The following DLGAP2 variants were observed in gnomAD, a reference collection of about 807,000 sequenced individuals.
DLGAP2 encodes the protein disks large-associated protein 2.
DLGAP2 carries 26 observed loss-of-function variants against 100.3 expected under a neutral mutation model. The observed-to-expected ratio is 0.26, with a 90% CI of 0.19 to 0.36. DLGAP2 has a LOEUF of 0.36. Ranked by LOEUF, DLGAP2 falls within the 10% of genes least tolerant of loss-of-function variation. The pLI is 1.00. For missense variants in DLGAP2, 1,858 were observed against 1,453.2 expected (o/e 1.28, Z -4.53); for synonymous variants, 886 against 630.1 (o/e 1.41, Z -6.08).
intron 12 of DLGAP2, among the ~76,000 whole-genome samples, chr8:1,679,765 T>A (rs1711747572): frequency 6.6e-6 from 1 of 152,172 alleles, no homozygotes; most frequent in Non-Finnish European, 1.5e-5. Context: ...GTGGATGGCC[T>A]GAGGTCAGGA....
chr8:739,885 G>T (rs895573812), intron 1 of DLGAP2: 2 of 152,248 alleles, frequency 1.3e-5, no homozygotes, highest in Non-Finnish European at 2.9e-5. Context: ...GGAGGCCGTG[G>T]AGGGACCGAG....
chr8:1,417,693 G>GGCCACGGGGA (rs1563134269), intron 3 of DLGAP2, among the ~76,000 whole-genome samples: 2,017 of 92,912 alleles, frequency 0.022, 210 homozygotes, highest in South Asian at 0.053. Context: ...GGGCACAGGG[G>GGCCACGGGGA]GCCCCACTCC....
At chr8:1,371,080 T>C (rs1429493170) in intron 3 of DLGAP2, among the ~76,000 whole-genome samples, 1 of 152,254 alleles carries the variant, frequency 6.6e-6, no homozygotes, top group African/African-American at 2.4e-5. Flanking sequence ...GCTGAGGCAC[T>C]GTCATTGCTT....
rs1028191535 is a variant in DLGAP2, at chr8:1,490,395, T to C, written c.107-10971T>C. Among the ~76,000 whole-genome samples the C allele has an allele frequency of 6.6e-5, 10 of 152,262 alleles. No individual in the cohort carries two copies. In the South Asian group the frequency reaches 8.3e-4, roughly 13 times the overall value. ...CATCAGGTGCAGAAAATTCAGACAA[T>C]ACGTCAGCTAAAGAAGTTAAGAGCG... is the stretch of plus-strand genomic sequence containing the variant. On this transcript the variant is annotated intron_variant, in intron 3 of 14. Transcript: ENST00000637795.
intron 2 of DLGAP2, among the ~76,000 whole-genome samples, chr8:1,077,020 G>A (rs1193781395): frequency 6.7e-6 from 1 of 149,606 alleles, no homozygotes; most frequent in African/African-American, 2.5e-5. Context: ...GGAGGAGTCT[G>A]TCCCGGGCCC....
intron 2 of DLGAP2, among the ~76,000 whole-genome samples, chr8:1,029,996 C>T (rs972027476): frequency 4.6e-5 from 7 of 152,148 alleles, no homozygotes; most frequent in South Asian, 2.1e-4. Context: ...CTGGGAGGCC[C>T]GGCCCTGCAC....
chr8:866,073 G>A (rs73673026), intron 1 of DLGAP2, among the ~76,000 whole-genome samples: 2,190 of 152,094 alleles, frequency 0.014, 45 homozygotes, highest in African/African-American at 0.049. Context: ...ATGGTGTTTC[G>A]GAGCCATGGT....
intron 14 of DLGAP2, 133 bp from the exon 15 acceptor site, chr8:1,701,055 G>T: frequency 1.3e-6 from 1 of 769,982 alleles, no homozygotes; most frequent in Non-Finnish European, 2.1e-6. Context: ...GCAGACGGGG[G>T]ACGGGAGTGA....
At chr8:885,634 C>T (rs890545131) in intron 1 of DLGAP2, among the ~76,000 whole-genome samples, 2 of 152,286 alleles carry the variant, frequency 1.3e-5, no homozygotes, top group South Asian at 4.1e-4. Context: ...TGCCTGATTG[C>T]CCTGGACAGA....
In DLGAP2 at chr8:1,422,931, A is replaced by G. The variant is rs533061761; in HGVS notation, c.107-78435A>G. Among the ~76,000 whole-genome samples the G allele has an allele frequency of 9.5e-4, 144 of 152,068 alleles. 1 individual carries two copies. The highest frequency in any genetic ancestry group is 3.3e-3 in the African/African-American group (138 of 41,494). ...TCCTTCCTCACTTCACCCTAGGCCA[A>G]CTCTGTCCAGGGGGCCCCTTAGCCT... On this transcript the variant is annotated intron_variant, in intron 3 of 14. Coordinates refer to ENST00000637795, the MANE Select transcript of DLGAP2 (RefSeq NM_001346810.2).
chr8:956,660 A>G (rs1168654330), intron 2 of DLGAP2, among the ~76,000 whole-genome samples: 3 of 152,160 alleles, frequency 2.0e-5, no homozygotes, highest in Admixed American at 2.0e-4. Flanking sequence ...CCATTTACAG[A>G]TCTAATACAT....
intron 3 of DLGAP2, among the ~76,000 whole-genome samples, chr8:1,499,604 A>C (rs1799648643): frequency 6.6e-6 from 1 of 152,242 alleles, no homozygotes; most frequent in South Asian, 2.1e-4. Context: ...AACGCAGCTT[A>C]AACTATGCAA....
intron 1 of DLGAP2, among the ~76,000 whole-genome samples, chr8:744,531 G>A (rs1430319887): frequency 6.6e-6 from 1 of 151,046 alleles, no homozygotes; most frequent in Non-Finnish European, 1.5e-5. Context: ...GCTCCCCACG[G>A]TCACTCCCTG....
At chr8:1,557,339 T>G (rs1801999795) in intron 5 of DLGAP2, among the ~76,000 whole-genome samples, 1 of 152,122 alleles carries the variant, frequency 6.6e-6, no homozygotes, top group Non-Finnish European at 1.5e-5. Flanking sequence ...TGTGCCTGCC[T>G]GACCTCCCTC....
At chr8:1,237,206 T>A (rs1408206807) in intron 2 of DLGAP2, among the ~76,000 whole-genome samples, 1 of 126,722 alleles carries the variant, frequency 7.9e-6, no homozygotes, top group East Asian at 2.4e-4. Context: ...TCTCACGTGG[T>A]GCCGTGTCTA....
At chr8:1,244,062 G>A (rs556659264) in intron 2 of DLGAP2, among the ~76,000 whole-genome samples, 13 of 152,050 alleles carry the variant, frequency 8.5e-5, no homozygotes, top group African/African-American at 2.4e-4. Context: ...GCACTCCACC[G>A]TAGGGATGGT....
chr8:973,326 G>A (rs1231376802), intron 2 of DLGAP2, among the ~76,000 whole-genome samples: 6 of 151,392 alleles, frequency 4.0e-5, no homozygotes, highest in South Asian at 4.2e-4. Context: ...CAGGGCGGCT[G>A]CCGGGCGGAG....
In DLGAP2 at chr8:1,684,913, G is replaced by A. The variant is rs542924784; in HGVS notation, c.2704+6284G>A. Among the ~76,000 whole-genome samples the A allele has an allele frequency of 4.5e-4, 68 of 152,164 alleles. 1 individual carries two copies. The highest frequency in any genetic ancestry group is 1.4e-3 in the African/African-American group (60 of 41,486). On this transcript the variant is annotated intron_variant, in intron 12 of 14. Transcript: ENST00000637795. ...CACACAGGATCTTTCAAACGGTATC[G>A]GAAACTTCCTTGCCCCAAATGACTC...
At chr8:1,700,853 G>A (rs531924153) in intron 14 of DLGAP2, among the ~76,000 whole-genome samples, 12 of 152,226 alleles carry the variant, frequency 7.9e-5, no homozygotes, top group Non-Finnish European at 7.3e-5. Context: ...TTTGGGAAGC[G>A]CAGGAATCGG....
Sources: allele counts gnomAD v4.1 joint callset (sites outside exome capture counted in the v4.1 genomes callset), GRCh38; gene constraint gnomAD v4.1.1; transcripts MANE v1.5; gene names NCBI Gene and HGNC (gene_info 2026-07-23, HGNC 2026-07-21).